SPPL2B: variants seen among roughly 807,000 people sequenced by gnomAD.
SPPL2B encodes signal peptide peptidase like 2B.
In SPPL2B, 39 loss-of-function variants were observed where a neutral mutation model predicts 59.7. That is an observed-to-expected ratio of 0.65 (90% CI 0.51 to 0.85). SPPL2B has a LOEUF of 0.85. Among genes scored for constraint, SPPL2B ranks in the 40% least tolerant of loss-of-function variants. SPPL2B has a pLI of 0.00. For synonymous variants in SPPL2B, 419 were observed against 370.8 expected (o/e 1.13, Z -1.49); for missense variants, 865 against 849.0 (o/e 1.02, Z -0.23).
chr19:2,348,542 A>ACG (rs1430172461), intron 13 of SPPL2B, among the ~76,000 whole-genome samples: 1 of 126,338 alleles, frequency 7.9e-6, no homozygotes, highest in Non-Finnish European at 1.6e-5. Context: ...ACACACACTC[A>ACG]CGTTCTCATT....
intron 5 of SPPL2B, 139 bp downstream of exon 5, chr19:2,339,347 C>T: frequency 9.9e-7 from 1 of 1,010,732 alleles, no homozygotes; most frequent in Non-Finnish European, 1.4e-6. Context: ...TCGTTTCTTC[C>T]TCAGGAGGTC....
chr19:2,341,644 C>T (rs1361676921), intron 8 of SPPL2B: 3 of 455,294 alleles, frequency 6.6e-6, no homozygotes, highest in Admixed American at 2.4e-5. Flanking sequence ...CTTCCTGAGG[C>T]AGCCAAGTAC....
chr19:2,345,953 G>A (rs970301887), intron 13 of SPPL2B, among the ~76,000 whole-genome samples: 8 of 151,506 alleles, frequency 5.3e-5, no homozygotes, highest in African/African-American at 1.2e-4. Context: ...CTCCGTCCCC[G>A]TCTTTCTCAT....
chr19:2,336,138 CAGCACACCTGTGTGTGTG>C (rs1599206056), intron 2 of SPPL2B, among the ~76,000 whole-genome samples: 1 of 151,974 alleles, frequency 6.6e-6, no homozygotes, highest in Non-Finnish European at 1.5e-5. Flanking sequence ...GTTTGTGTGT[CAGCACACCTGTGTGTGTG>C]AGCATGTGTG....
In SPPL2B at chr19:2,353,267, G is replaced by A; in HGVS notation, c.*58G>A. 6.5e-7 allele frequency: 1 copy of A among 1,539,622 alleles called. No homozygotes were observed. The highest frequency in any genetic ancestry group is 8.7e-7 in the Non-Finnish European group (1 of 1,152,130). On this transcript the variant is annotated 3_prime_UTR_variant, in exon 15 of 15. Transcript: ENST00000613503. ...CACACCAAGATGTTGGGGCTGCCTG[G>A]CGCCCACTGGAGACAGACAGACAGA...
At position 2,354,713 on chromosome 19, in the gene SPPL2B, G is replaced by C. The variant is rs1970092578; in HGVS notation, c.*1504G>C. ...TTGGACGTTTGACCAGTGGGGAGGG[G>C]TTCAGAGGCGGCGGTCCTGTCCTTG... On this transcript the variant is annotated 3_prime_UTR_variant, in exon 15 of 15. Coordinates refer to ENST00000613503, the MANE Select transcript of SPPL2B (RefSeq NM_152988.3). The C allele has an allele frequency of 6.6e-6, 1 of 152,302 alleles. No individual in the cohort carries two copies. The highest frequency in any genetic ancestry group is 2.4e-5 in the African/African-American group (1 of 41,446). 9.4% of individuals were successfully genotyped at this position (152,302 alleles called of 1,614,324 possible).
intron 13 of SPPL2B, among the ~76,000 whole-genome samples, chr19:2,350,553 C>T (rs375972822): frequency 5.9e-5 from 9 of 152,390 alleles, no homozygotes; most frequent in Admixed American, 1.3e-4. Context: ...GCAGTTGGCC[C>T]TCACTAGCCA....
At chr19:2,341,336 G>T (rs750626050) in intron 8 of SPPL2B, 18 of 548,982 alleles carry the variant, frequency 3.3e-5, no homozygotes, top group South Asian at 2.8e-4. Context: ...TCTGTCCCCC[G>T]CTGTCCCTTT....
intron 8 of SPPL2B, chr19:2,342,956 C>T (rs1969143812): frequency 1.9e-6 from 1 of 522,274 alleles, no homozygotes; most frequent in Non-Finnish European, 3.5e-6. Context: ...GTCCTGGCTG[C>T]CGAGTGGTGG....
chr19:2,348,730 T>A (rs1969664251), intron 13 of SPPL2B, among the ~76,000 whole-genome samples: 1 of 141,218 alleles, frequency 7.1e-6, no homozygotes, highest in African/African-American at 2.7e-5. Flanking sequence ...ACGCTCTCAT[T>A]CGCTTGATTC....
intron 5 of SPPL2B, 144 bp from the exon 6 acceptor site, chr19:2,339,680 G>T: frequency 1.1e-6 from 1 of 905,854 alleles, no homozygotes; most frequent in Non-Finnish European, 1.7e-6. Flanking sequence ...GGGACGTTCG[G>T]GGCGGTTCCT....
chr19:2,334,311 T>C (rs1335592381), intron 1 of SPPL2B, among the ~76,000 whole-genome samples: 1 of 152,156 alleles, frequency 6.6e-6, no homozygotes, highest in Non-Finnish European at 1.5e-5. Flanking sequence ...GGTGGTGCGA[T>C]CCCTGTTTTT....
intron 1 of SPPL2B, among the ~76,000 whole-genome samples, chr19:2,330,020 A>G (rs1968197052): frequency 6.6e-6 from 1 of 151,558 alleles, no homozygotes; most frequent in South Asian, 2.1e-4. Context: ...AGACATTTGG[A>G]AGGAGGGGGA....
chr19:2,339,916 T>C lies in SPPL2B; in HGVS notation c.692T>C (p.Val231Ala). The C allele has an allele frequency of 2.5e-6, 4 of 1,571,056 alleles. No individual in the cohort carries two copies. Among genetic ancestry groups the C allele is most frequent in the Non-Finnish European group, 3.5e-6 (4 of 1,158,026 alleles). The change falls in exon 6 of 15, where the codon GTG (valine) becomes GCG (alanine). Residue 231 changes from valine (V) to alanine (A), a missense_variant. Physicochemically the swap from Val to Ala is moderately conservative, Grantham distance 64 (BLOSUM62 0). Transcript: ENST00000613503. ...CCGGTGATGACCTGCGTGTTTGTGGTGATGTGCTGCTCCATGCTGGTGCTG... is the reference window on the plus strand; with the variant it reads ...CCGGTGATGACCTGCGTGTTTGTGGCGATGTGCTGCTCCATGCTGGTGCTG... ...VTPVMTCVFV[V>A]MCCSMLVLLY...
At position 2,337,471 on chromosome 19, in the gene SPPL2B, C is replaced by T; in HGVS notation, c.215C>T (p.Ala72Val). ...TTCCTGCAGCTGCGCAACTGGACGG[C>T]CTCCCTGCTCTGCTCCGCAGCCGAC... ...ASFLQLRNWT[A>V]SLLCSAADLP... is the part of the protein sequence containing the mutation. The change falls in exon 3 of 15, where the codon GCC becomes GTC. Residue 72 changes from alanine (A) to valine (V), a missense_variant. Transcript: ENST00000613503. 1 of 1,609,658 alleles carries T rather than the reference C, an allele frequency of 6.2e-7. No homozygotes were observed. The highest frequency in any genetic ancestry group is 8.5e-7 in the Non-Finnish European group (1 of 1,177,522).
rs1424648175 is a variant in SPPL2B, at chr19:2,353,565, C to T, written c.*356C>T. On this transcript the variant is annotated 3_prime_UTR_variant, in exon 15 of 15. Transcript: ENST00000613503. ...CGTGGGTGGACTCTGGCCGCGGCCA[C>T]ACTTGGTGCTCACCAGCTGCTTCGG... The T allele has an allele frequency of 3.8e-6, 1 of 262,130 alleles. No individual in the cohort carries two copies. The highest frequency in any genetic ancestry group is 7.3e-6 in the Non-Finnish European group (1 of 136,944). 16.2% of individuals were successfully genotyped at this position (262,130 alleles called of 1,614,324 possible).
At chr19:2,338,072 T>A (rs57312269) in intron 3 of SPPL2B, 10,302 of 161,184 alleles carry the variant, frequency 0.064, 1,151 homozygotes, top group African/African-American at 0.23. Context: ...CCTGGCCCCT[T>A]TTCCATCTTC....
intron 7 of SPPL2B, among the ~76,000 whole-genome samples, 164 bp from the exon 8 acceptor site, chr19:2,340,733 TG>T (rs1477562863): frequency 6.6e-6 from 1 of 151,988 alleles, no homozygotes; most frequent in Non-Finnish European, 1.5e-5. Flanking sequence ...GCCCTGCCCT[TG>T]GGGTGCCTAC....
intron 8 of SPPL2B, 188 bp downstream of exon 8, chr19:2,341,202 G>T (rs775501197): frequency 4.6e-5 from 32 of 694,020 alleles, no homozygotes; most frequent in Non-Finnish European, 7.1e-5. Context: ...CCTGGGGTTT[G>T]TCCGGGTGTC....
Sources: gnomAD v4.1 joint callset for allele counts (sites outside exome capture counted in the v4.1 genomes callset) on GRCh38, gnomAD v4.1.1 for gene constraint, MANE v1.5 for transcripts, NCBI Gene and HGNC (gene_info 2026-07-23, HGNC 2026-07-21) for gene names.